Variants in FMN1 observed in about 807,000 individuals in gnomAD.
The protein encoded by FMN1 is formin-1.
In FMN1, 110 loss-of-function variants were observed where a neutral mutation model predicts 132.4. The observed-to-expected ratio is 0.83, with a 90% CI of 0.71 to 0.97. The LOEUF (loss-of-function observed/expected upper bound fraction) is 0.97, where lower values mean the gene tolerates loss of function less well. FMN1 is among the 50% of genes least tolerant of loss of function. The pLI is 0.00. For synonymous variants in FMN1, 722 were observed against 651.7 expected, an observed-to-expected ratio of 1.11 and a Z score of -1.64; for missense variants, 1,792 against 1,705.3, an observed-to-expected ratio of 1.05 and a Z score of -0.90.
intron 4 of FMN1, among the ~76,000 whole-genome samples, chr15:33,141,150 C>A (rs1447456530): frequency 1.3e-5 from 2 of 152,062 alleles, no homozygotes; most frequent in East Asian, 3.9e-4. Context: ...AATGCTTTTC[C>A]TTTAATTTTA....
At chr15:33,128,700 G>A (rs553096578) in intron 4 of FMN1, among the ~76,000 whole-genome samples, 18 of 152,322 alleles carry the variant, frequency 1.2e-4, no homozygotes, top group African/African-American at 2.9e-4. Flanking sequence ...GAATAAACCC[G>A]CGGACCCTCA....
intron 7 of FMN1, among the ~76,000 whole-genome samples, 162 bp from the exon 8 acceptor site, chr15:32,969,639 G>A (rs2031610464): frequency 6.6e-6 from 1 of 152,140 alleles, no homozygotes; most frequent in African/African-American, 2.4e-5. Context: ...GGTGTAAATT[G>A]CACTCTGAAT....
At chr15:33,022,989 G>A (rs1438195856) in intron 6 of FMN1, among the ~76,000 whole-genome samples, 1 of 147,870 alleles carries the variant, frequency 6.8e-6, no homozygotes, top group African/African-American at 2.5e-5. Context: ...CTAGGTGGAA[G>A]TGAGCTATGA....
chr15:32,805,550 G>T (rs2057650030), intron 17 of FMN1, among the ~76,000 whole-genome samples: 1 of 152,086 alleles, frequency 6.6e-6, no homozygotes. Context: ...CATTGCTTTT[G>T]GTGTTTTAGT....
intron 3 of FMN1, among the ~76,000 whole-genome samples, chr15:33,156,697 A>G (rs1157111061): frequency 6.6e-6 from 1 of 152,156 alleles, no homozygotes; most frequent in Non-Finnish European, 1.5e-5. Flanking sequence ...TGTGTCCAAG[A>G]ACTCACTTAG....
At chr15:32,818,608 C>T (rs1313576240) in intron 17 of FMN1, among the ~76,000 whole-genome samples, 1 of 152,118 alleles carries the variant, frequency 6.6e-6, no homozygotes, top group African/African-American at 2.4e-5. Context: ...TCTAATACTG[C>T]AAAGTAAGTT....
intron 5 of FMN1, among the ~76,000 whole-genome samples, chr15:33,074,515 G>A (rs1347845653): frequency 2.6e-5 from 4 of 152,172 alleles, no homozygotes; most frequent in African/African-American, 9.7e-5. Context: ...CTGTTGAAAA[G>A]TCTTAAGAGT....
At chr15:33,079,159 C>T (rs528473064) in intron 5 of FMN1, among the ~76,000 whole-genome samples, 2 of 151,568 alleles carry the variant, frequency 1.3e-5, no homozygotes, top group South Asian at 4.2e-4. Context: ...CTGTATATAC[C>T]CTCAAAAGTC....
At chr15:33,067,525 CTCT>C (rs1323483549) in intron 5 of FMN1, 1 of 1,613,992 alleles carries the variant, frequency 6.2e-7, no homozygotes, top group Non-Finnish European at 8.5e-7. Flanking sequence ...GTGGAAGCAG[CTCT>C]TGAGCAAGGA....
At chr15:33,013,944 G>A (rs566514217) in intron 6 of FMN1, among the ~76,000 whole-genome samples, 4 of 152,276 alleles carry the variant, frequency 2.6e-5, no homozygotes, top group Admixed American at 6.5e-5. Flanking sequence ...GACAGATATC[G>A]CTATGACTAA....
chr15:33,062,070 C>G (rs573262276), intron 6 of FMN1, among the ~76,000 whole-genome samples: 1 of 151,986 alleles, frequency 6.6e-6, no homozygotes, highest in Non-Finnish European at 1.5e-5. Context: ...AAATTAAAAA[C>G]AAATGATAAA....
At chr15:32,999,290 T>C (rs1190545185) in intron 7 of FMN1, among the ~76,000 whole-genome samples, 1 of 152,180 alleles carries the variant, frequency 6.6e-6, no homozygotes, top group Admixed American at 6.5e-5. Context: ...TACAAAAAAA[T>C]GGAACAGGCT....
chr15:33,012,109 C>A lies in FMN1; in HGVS notation c.2162-4034G>T, dbSNP rs1293469091. On this transcript the variant is annotated intron_variant, in intron 6 of 20. Transcript: ENST00000616417. ...CCAAAGGAAGCATTGTCTCTCTTCC[C>A]ACTGCTGTCATGTCTGCACATCAGA... 1.2e-5 allele frequency: 5 copies of A among 421,456 alleles called. No homozygotes were observed. The East Asian group carries it at 2.4e-4, about 20-fold the overall frequency. The allele number at this position is 421,456 out of a possible 1,614,324, so 26.1% of individuals were successfully genotyped here.
chr15:32,879,229 T>C (rs1462313885), intron 16 of FMN1, among the ~76,000 whole-genome samples: 3 of 152,194 alleles, frequency 2.0e-5, no homozygotes, highest in African/African-American at 7.2e-5. Flanking sequence ...AAATAAATCA[T>C]ATCAAAGTTT....
At chr15:32,963,232 C>A (rs2030793204) in intron 9 of FMN1, among the ~76,000 whole-genome samples, 1 of 151,092 alleles carries the variant, frequency 6.6e-6, no homozygotes, top group Non-Finnish European at 1.5e-5. Flanking sequence ...TCTCAGTAAA[C>A]TATCACAAGA....
At chr15:33,149,775 G>A in intron 4 of FMN1, 1 of 983,578 alleles carries the variant, frequency 1.0e-6, no homozygotes, top group Non-Finnish European at 1.2e-6. Context: ...GTCTATTAAT[G>A]TCGTGACGCT....
intron 4 of FMN1, among the ~76,000 whole-genome samples, chr15:33,122,409 AG>A (rs1259432626): frequency 1.3e-5 from 2 of 150,154 alleles, no homozygotes. Flanking sequence ...TGGGAAAGTA[AG>A]GTAGGTCAGA....
intron 7 of FMN1, among the ~76,000 whole-genome samples, chr15:32,998,187 G>T (rs2033890754): frequency 6.6e-6 from 1 of 152,192 alleles, no homozygotes; most frequent in Admixed American, 6.5e-5. Context: ...GGCTGTATTT[G>T]ATGGTATCAC....
intron 16 of FMN1, among the ~76,000 whole-genome samples, chr15:32,884,625 G>A (rs184699856): frequency 6.6e-6 from 1 of 152,192 alleles, no homozygotes. Context: ...CATATGGGTG[G>A]GTAAGAACAC....
Sources: allele counts gnomAD v4.1 joint callset (sites outside exome capture counted in the v4.1 genomes callset), GRCh38; gene constraint gnomAD v4.1.1; transcripts MANE v1.5; gene names NCBI Gene and HGNC (gene_info 2026-07-23, HGNC 2026-07-21).